Variants in TDRD3 observed in about 807,000 individuals in gnomAD.
TDRD3 encodes the protein tudor domain-containing protein 3.
TDRD3 carries 45 observed loss-of-function variants against 86.7 expected under a neutral mutation model. The ratio of observed to expected loss-of-function variants is 0.52; its 90% CI spans 0.41 to 0.67. The LOEUF (loss-of-function observed/expected upper bound fraction) is 0.67, where lower values mean the gene tolerates loss of function less well. Among genes scored for constraint, TDRD3 ranks in the 30% least tolerant of loss-of-function variants. TDRD3 has a pLI of 0.00. For synonymous variants in TDRD3, 298 were observed against 301.7 expected (o/e 0.99, Z 0.13); for missense variants, 814 against 889.0 (o/e 0.92, Z 1.07).
Position 60,528,832 on chromosome 13 carries a change from G to T in TDRD3, c.1607G>T (p.Arg536Ile), listed in dbSNP as rs1296151212. 1 of 1,613,618 alleles carries T rather than the reference G, an allele frequency of 6.2e-7. No homozygotes were observed. The highest frequency in any genetic ancestry group is 1.3e-5 in the African/African-American group (1 of 74,918). Residue 536 changes from arginine (R) to isoleucine (I), a missense_variant, in exon 11 of 14, where the codon AGA (arginine) becomes ATA (isoleucine). Transcript: ENST00000377881. ...TATAATAATCAAAAACGTGGAAAAAGAGAAAGCCAAACATCTATTCCTGAT... is the reference window on the plus strand; with the variant it reads ...TATAATAATCAAAAACGTGGAAAAATAGAAAGCCAAACATCTATTCCTGAT... ...VDYNNQKRGK[R>I]ESQTSIPDYF...
At chr13:60,566,364 A>T (rs557467216) in intron 12 of TDRD3, among the ~76,000 whole-genome samples, 1 of 152,238 alleles carries the variant, frequency 6.6e-6, no homozygotes, top group East Asian at 1.9e-4. Context: ...TGACCAAATT[A>T]TCTTACCATC....
chr13:60,444,618 A>T, intron 2 of TDRD3, 65 bp from the exon 3 acceptor site: 1 of 936,238 alleles, frequency 1.1e-6, no homozygotes, highest in Non-Finnish European at 1.6e-6. Context: ...TCTTTTGTTC[A>T]TGAGGTTAGA....
intron 7 of TDRD3, among the ~76,000 whole-genome samples, chr13:60,490,240 A>C (rs1473588083): frequency 6.6e-6 from 1 of 152,114 alleles, no homozygotes; most frequent in Non-Finnish European, 1.5e-5. Context: ...CTAAATAAGC[A>C]GATTGCAATT....
chr13:60,495,680 G>T (rs551877276), intron 8 of TDRD3, among the ~76,000 whole-genome samples: 33 of 152,220 alleles, frequency 2.2e-4, no homozygotes, highest in Admixed American at 1.8e-3. Context: ...AGTGAAACTG[G>T]TCTCGAACTC....
intron 1 of TDRD3, among the ~76,000 whole-genome samples, chr13:60,399,355 T>C (rs1286862797): frequency 1.3e-5 from 2 of 152,234 alleles, no homozygotes; most frequent in Non-Finnish European, 2.9e-5. Flanking sequence ...CTCCCACCTG[T>C]CTGTGCTGCT....
rs767705603 is a variant in TDRD3, at chr13:60,435,918, G to GTTTTTTTTTTTTTTTTTTTT, written c.42-3757_42-3756insTTTTTTTTTTTTTTTTTTTT. 6.8e-3 allele frequency among the ~76,000 whole-genome samples: 837 copies of GTTTTTTTTTTTTTTTTTTTT among 123,334 alleles called. 30 individuals carry two copies. The highest frequency in any genetic ancestry group is 0.014 in the South Asian group (49 of 3,468). The allele number at this position is 123,334 out of a possible 152,430, so 80.9% of individuals were successfully genotyped here. A position where few individuals can be genotyped will look rare whatever the true frequency, so the allele number is the denominator to read the frequency against. Reference sequence around the variant, plus strand: ...AAACCACATCATGACAACATCTATGGTTTTTTTTTTTTTACTTTTTAATTA... The same window carrying GTTTTTTTTTTTTTTTTTTTT: ...AAACCACATCATGACAACATCTATGGTTTTTTTTTTTTTTTTTTTTTTTTTTTTTTTTTACTTTTTAATTA... On this transcript the variant is annotated intron_variant, in intron 1 of 13. Transcript: ENST00000377881.
chr13:60,421,219 A>ACAGTTC (rs1954647796), intron 1 of TDRD3, among the ~76,000 whole-genome samples: 3 of 152,290 alleles, frequency 2.0e-5, no homozygotes, highest in Admixed American at 6.5e-5. Context: ...TAATGGACTC[A>ACAGTTC]CAGTTCCATA....
intron 7 of TDRD3, among the ~76,000 whole-genome samples, chr13:60,492,898 A>T (rs1409614653): frequency 6.6e-6 from 1 of 150,618 alleles, no homozygotes; most frequent in African/African-American, 2.4e-5. Flanking sequence ...CTTCCGTTTC[A>T]AATAATTTTC....
intron 12 of TDRD3, among the ~76,000 whole-genome samples, chr13:60,560,366 T>G (rs532903307): frequency 6.6e-6 from 1 of 152,318 alleles, no homozygotes; most frequent in South Asian, 2.1e-4. Flanking sequence ...AACTCATGTG[T>G]TTTCAAATGG....
intron 5 of TDRD3, among the ~76,000 whole-genome samples, chr13:60,478,121 G>T (rs1252612861): frequency 6.6e-6 from 1 of 151,906 alleles, no homozygotes; most frequent in Non-Finnish European, 1.5e-5. Context: ...TTGCTTCTAG[G>T]AATGTATGCA....
chr13:60,421,034 T>A (rs1954641695), intron 1 of TDRD3, among the ~76,000 whole-genome samples: 1 of 152,224 alleles, frequency 6.6e-6, no homozygotes, highest in Non-Finnish European at 1.5e-5. Flanking sequence ...TCACACTGTC[T>A]GGATTAATGA....
At chr13:60,561,487 T>G (rs908849995) in intron 12 of TDRD3, among the ~76,000 whole-genome samples, 1 of 152,220 alleles carries the variant, frequency 6.6e-6, no homozygotes, top group Non-Finnish European at 1.5e-5. Flanking sequence ...AAAGGGGTAC[T>G]GCTCACAAAT....
In TDRD3 at chr13:60,528,877, CACAA is replaced by C; in HGVS notation, c.1657_1660del (p.Thr553Ter). ...CCTGATTATTTTTATGACAGGAAAT[CACAA>C]ACAATAAATAATGAAGCTTTCAGTG... is the stretch of plus-strand genomic sequence containing the variant. On this transcript the variant is annotated frameshift_variant, in exon 11 of 14. Transcript: ENST00000377881. LOFTEE classifies it high-confidence loss of function. 6.2e-7 allele frequency: 1 copy of C among 1,612,062 alleles called. No homozygotes were observed. The highest frequency in any genetic ancestry group is 8.5e-7 in the Non-Finnish European group (1 of 1,179,504).
intron 3 of TDRD3, among the ~76,000 whole-genome samples, chr13:60,448,940 T>C (rs985951712): frequency 1.3e-5 from 2 of 152,322 alleles, no homozygotes; most frequent in African/African-American, 4.8e-5. Flanking sequence ...TATGGAGTCC[T>C]AACTGTACAG....
intron 1 of TDRD3, among the ~76,000 whole-genome samples, chr13:60,426,346 TTGAGAGATGTACAACA>T (rs767654619): frequency 5.3e-4 from 81 of 152,218 alleles, no homozygotes; most frequent in Non-Finnish European, 1.1e-3. Context: ...GATGAACAAG[TTGAGAGATGTACAACA>T]TGAGGACTAA....
At chr13:60,452,627 G>T (rs1158340089) in intron 3 of TDRD3, among the ~76,000 whole-genome samples, 1 of 151,962 alleles carries the variant, frequency 6.6e-6, no homozygotes, top group Non-Finnish European at 1.5e-5. Context: ...CATAGCATAT[G>T]TTGATAGTTT....
At chr13:60,545,472 G>A (rs1957918916) in intron 12 of TDRD3, among the ~76,000 whole-genome samples, 1 of 152,110 alleles carries the variant, frequency 6.6e-6, no homozygotes, top group African/African-American at 2.4e-5. Flanking sequence ...CAAGATATTA[G>A]AAGTCAGTTT....
intron 10 of TDRD3, among the ~76,000 whole-genome samples, chr13:60,520,910 A>G (rs573105176): frequency 2.6e-5 from 4 of 152,314 alleles, no homozygotes; most frequent in East Asian, 1.9e-4. Context: ...GCAGTTTTAT[A>G]TATATTTTCA....
At chr13:60,417,017 CTCT>C (rs1454999873) in intron 1 of TDRD3, among the ~76,000 whole-genome samples, 1 of 150,088 alleles carries the variant, frequency 6.7e-6, no homozygotes, top group Non-Finnish European at 1.5e-5. Flanking sequence ...GTCTCTCTCT[CTCT>C]TTTTTTTTTT....
Sources: gnomAD v4.1 joint callset for allele counts (sites outside exome capture counted in the v4.1 genomes callset) on GRCh38, gnomAD v4.1.1 for gene constraint, MANE v1.5 for transcripts, NCBI Gene and HGNC (gene_info 2026-07-23, HGNC 2026-07-21) for gene names.